Variants in SDCCAG8 observed in about 807,000 individuals in gnomAD.
SDCCAG8 encodes the protein serologically defined colon cancer antigen 8.
A neutral mutation model predicts 101.8 loss-of-function variants in SDCCAG8; 74 were observed. The ratio of observed to expected loss-of-function variants is 0.73; its 90% CI spans 0.60 to 0.88. The LOEUF (loss-of-function observed/expected upper bound fraction) is 0.88, where lower values mean the gene tolerates loss of function less well. Among genes scored for constraint, SDCCAG8 ranks in the 40% least tolerant of loss-of-function variants. The pLI is 0.00. For missense variants in SDCCAG8, 787 were observed against 822.6 expected (o/e 0.96, Z 0.53); for synonymous variants, 281 against 292.9 (o/e 0.96, Z 0.41).
At chr1:243,356,171 C>T (rs2076368034) in intron 12 of SDCCAG8, among the ~76,000 whole-genome samples, 1 of 152,104 alleles carries the variant, frequency 6.6e-6, no homozygotes, top group Non-Finnish European at 1.5e-5. Flanking sequence ...TCAACACAGA[C>T]TAACGAATAC....
At chr1:243,279,231 A>C (rs2068823136) in intron 4 of SDCCAG8, among the ~76,000 whole-genome samples, 1 of 152,162 alleles carries the variant, frequency 6.6e-6, no homozygotes, top group South Asian at 2.1e-4. Flanking sequence ...TATTAGCTAT[A>C]GGTTATTTGT....
chr1:243,307,933 T>C, intron 7 of SDCCAG8, 56 bp from the exon 8 acceptor site: 1 of 1,606,336 alleles, frequency 6.2e-7, no homozygotes, highest in Non-Finnish European at 8.5e-7. Flanking sequence ...TGATTCATTT[T>C]AAAGTCATGT....
rs111584268 is a variant in SDCCAG8 at position 243,348,022 on chromosome 1, ATT to A, written c.1473+3704_1473+3705del. 1.8e-3 allele frequency among the ~76,000 whole-genome samples: 212 copies of A among 117,068 alleles called. 1 individual carries two copies. The highest frequency in any genetic ancestry group is 6.3e-3 in the African/African-American group (194 of 30,990). The allele number at this position is 117,068 out of a possible 152,430, so 76.8% of individuals were successfully genotyped here. On this transcript the variant is annotated intron_variant, in intron 12 of 17. Coordinates refer to ENST00000366541, the MANE Select transcript of SDCCAG8 (RefSeq NM_006642.5). The stretch of plus-strand genomic sequence containing the variant: ...CCTCACCAACCCAGGCTGGACATGC[ATT>A]TTTTTTTTTTTTCTTTTTTTTTTTT...
chr1:243,431,862 C>G (rs1379425167), intron 16 of SDCCAG8, among the ~76,000 whole-genome samples: 1 of 152,122 alleles, frequency 6.6e-6, no homozygotes, highest in Admixed American at 6.5e-5. Flanking sequence ...CACAGTTTTA[C>G]AGGAGTTTTT....
intron 9 of SDCCAG8, among the ~76,000 whole-genome samples, chr1:243,328,264 TTTTGTTTG>T (rs563484022): frequency 1.3e-5 from 2 of 151,566 alleles, no homozygotes; most frequent in African/African-American, 4.9e-5. Flanking sequence ...GTAACCAGTT[TTTTGTTTG>T]TTTGTTTGTT....
At chr1:243,302,635 A>G (rs183563004) in intron 6 of SDCCAG8, among the ~76,000 whole-genome samples, 2 of 152,344 alleles carry the variant, frequency 1.3e-5, no homozygotes, top group Non-Finnish European at 2.9e-5. Flanking sequence ...CCTTGCCAGT[A>G]AGAGACTGCC....
intron 12 of SDCCAG8, among the ~76,000 whole-genome samples, chr1:243,347,274 A>G (rs2075775571): frequency 6.6e-6 from 1 of 152,186 alleles, no homozygotes; most frequent in Non-Finnish European, 1.5e-5. Context: ...ATGTGGATCT[A>G]TGAAGGATAT....
rs187673620 is a variant in SDCCAG8 at position 243,291,015 on chromosome 1, G to A, written c.547-2076G>A. The stretch of plus-strand genomic sequence containing the variant: ...CACCATAGGTGTTACACAAATGTTT[G>A]CACTAAACTGAACTTCCAGAAGAAT... On this transcript the variant is annotated intron_variant, in intron 5 of 17. Coordinates refer to ENST00000366541, the MANE Select transcript of SDCCAG8 (RefSeq NM_006642.5). Among the ~76,000 whole-genome samples, 215 of 152,280 alleles carry A rather than the reference G, an allele frequency of 1.4e-3. 1 individual carries two copies. The highest frequency in any genetic ancestry group is 4.8e-3 in the African/African-American group (199 of 41,560).
At chr1:243,452,195 T>TTC (rs1388890582) in intron 16 of SDCCAG8, among the ~76,000 whole-genome samples, 1 of 152,214 alleles carries the variant, frequency 6.6e-6, no homozygotes, top group Non-Finnish European at 1.5e-5. Flanking sequence ...CTGGTGTGCC[T>TTC]TCTTCCACTG....
intron 12 of SDCCAG8, among the ~76,000 whole-genome samples, chr1:243,344,618 A>G (rs1205763336): frequency 2.0e-5 from 3 of 152,222 alleles, no homozygotes. Flanking sequence ...GAAATGTTCT[A>G]ATGCACAGTT....
chr1:243,378,593 A>G, intron 12 of SDCCAG8, 128 bp from the exon 13 acceptor site: 10 of 963,698 alleles, frequency 1.0e-5, no homozygotes, highest in Non-Finnish European at 1.6e-5. Context: ...ATAAAATGGA[A>G]GCTAGCCTAA....
In SDCCAG8 at chr1:243,359,586, G is replaced by A. The variant is rs556694912; in HGVS notation, c.1473+15255G>A. 7.9e-5 allele frequency among the ~76,000 whole-genome samples: 12 copies of A among 152,300 alleles called. No homozygotes were observed. In the South Asian group the frequency reaches 8.3e-4, roughly 11 times the overall value. Reference sequence around the variant, plus strand: ...CTGTGTGTACCTGGAGGGCACAAGCGGGTGCAACAGATGAGGAAGGAAAGA... The same window carrying A: ...CTGTGTGTACCTGGAGGGCACAAGCAGGTGCAACAGATGAGGAAGGAAAGA... On this transcript the variant is annotated intron_variant, in intron 12 of 17. Transcript: ENST00000366541.
At chr1:243,413,412 G>T (rs2080324290) in intron 13 of SDCCAG8, among the ~76,000 whole-genome samples, 1 of 152,090 alleles carries the variant, frequency 6.6e-6, no homozygotes, top group Non-Finnish European at 1.5e-5. Flanking sequence ...TGCCTTGTTG[G>T]CCATGCTGAT....
chr1:243,435,537 A>T (rs1405175339), intron 16 of SDCCAG8, among the ~76,000 whole-genome samples: 1 of 152,226 alleles, frequency 6.6e-6, no homozygotes, highest in East Asian at 1.9e-4. Flanking sequence ...TCAGAGACTT[A>T]GATTCTAAAT....
chr1:243,487,688 G>C (rs1665278748), intron 16 of SDCCAG8: 1 of 152,380 alleles, frequency 6.6e-6, no homozygotes, highest in Non-Finnish European at 1.5e-5. Flanking sequence ...GGCAAGGGGG[G>C]CGGTGGTGCG....
intron 12 of SDCCAG8, among the ~76,000 whole-genome samples, chr1:243,369,017 A>G (rs1006202083): frequency 1.3e-5 from 2 of 152,070 alleles, no homozygotes; most frequent in Non-Finnish European, 2.9e-5. Context: ...TCAGCCTAAA[A>G]GGTTGAATAT....
rs570924586 is a variant in SDCCAG8, at chr1:243,307,646, A to G, written c.741-343A>G. ...TTAAGGAAAATGATTTGGGATTTAT[A>G]TTTGGAGTTTTATTTTTGTTTTGTG... On this transcript the variant is annotated intron_variant, in intron 7 of 17. Coordinates refer to ENST00000366541, the MANE Select transcript of SDCCAG8 (RefSeq NM_006642.5). The G allele has an allele frequency of 2.7e-3, 3,131 of 1,150,276 alleles. 7 individuals are homozygous for G. Among genetic ancestry groups the G allele is most frequent in the Non-Finnish European group, 3.1e-3 (2,923 of 932,862 alleles). The allele number at this position is 1,150,276 out of a possible 1,614,324, so 71.3% of individuals were successfully genotyped here.
At chr1:243,280,351 T>A (rs1339152207) in intron 4 of SDCCAG8, among the ~76,000 whole-genome samples, 1 of 152,154 alleles carries the variant, frequency 6.6e-6, no homozygotes, top group Non-Finnish European at 1.5e-5. Flanking sequence ...CTGTATATAG[T>A]CTTATCAATT....
At chr1:243,478,109 G>C (rs1662782822) in intron 16 of SDCCAG8, among the ~76,000 whole-genome samples, 1 of 152,180 alleles carries the variant, frequency 6.6e-6, no homozygotes, top group African/African-American at 2.4e-5. Context: ...CCCAGGCCTC[G>C]GAAAATGAAC....
Sources: gnomAD v4.1 joint callset for allele counts (sites outside exome capture counted in the v4.1 genomes callset) on GRCh38, gnomAD v4.1.1 for gene constraint, MANE v1.5 for transcripts, NCBI Gene and HGNC (gene_info 2026-07-23, HGNC 2026-07-21) for gene names.